GRHPR: variants seen among roughly 807,000 people sequenced by gnomAD.
The protein encoded by GRHPR is glyoxylate and hydroxypyruvate reductase.
A neutral mutation model predicts 36.8 loss-of-function variants in GRHPR; 35 were observed. The ratio of observed to expected loss-of-function variants is 0.95; its 90% CI spans 0.73 to 1.26. The LOEUF (loss-of-function observed/expected upper bound fraction) is 1.26. Among genes scored for constraint, GRHPR ranks in the 50% most tolerant of loss-of-function variants. The probability of loss-of-function intolerance (pLI) is 0.00; values close to 1 mark genes in which losing one functional copy is unlikely to be tolerated. For missense variants in GRHPR, 380 were observed against 435.0 expected (o/e 0.87, Z 1.12); for synonymous variants, 179 against 181.0 (o/e 0.99, Z 0.09).
chr9:37,434,420 T>C, intron 8 of GRHPR: 1 of 539,112 alleles, frequency 1.9e-6, no homozygotes, highest in African/African-American at 1.9e-5. Context: ...TGTCAAGGGG[T>C]CAGACTGTGT....
intron 4 of GRHPR, among the ~76,000 whole-genome samples, chr9:37,427,252 C>A (rs1428771451): frequency 6.6e-6 from 1 of 152,168 alleles, no homozygotes; most frequent in African/African-American, 2.4e-5. Flanking sequence ...CCGCTTGAGT[C>A]CTGAAAGCTG....
At position 37,426,610 on chromosome 9, in the gene GRHPR, T is replaced by TA. The variant is rs749029919; in HGVS notation, c.361dup (p.Thr121AsnfsTer70). The TA allele has an allele frequency of 5.0e-6, 8 of 1,613,796 alleles. No homozygotes were observed. The highest frequency in any genetic ancestry group is 4.2e-6 in the Non-Finnish European group (5 of 1,179,716). Reference sequence around the variant, plus strand: ...CCGAACTCGCAGTCTCCCTGCTACTTACCACCTGCCGCCGGTTGCCGGAGG... The same window carrying TA: ...CCGAACTCGCAGTCTCCCTGCTACTTAACCACCTGCCGCCGGTTGCCGGAGG... On this transcript the variant is annotated frameshift_variant, in exon 4 of 9. Transcript: ENST00000318158. LOFTEE classifies it high-confidence loss of function.
At chr9:37,424,797 A>T in intron 1 of GRHPR, 48 bp from the exon 2 acceptor site, 1 of 1,593,806 alleles carries the variant, frequency 6.3e-7, no homozygotes, top group Non-Finnish European at 8.5e-7. Flanking sequence ...AGGGGCGGGG[A>T]CAGGTGTGCG....
intron 2 of GRHPR, 50 bp from the exon 3 acceptor site, chr9:37,425,872 C>G (rs1375572277): frequency 8.0e-7 from 1 of 1,256,400 alleles, no homozygotes. Flanking sequence ...AGTGCTGTGG[C>G]TTTGAGTTCC....
rs1331176611 is a variant in GRHPR at position 37,434,565 on chromosome 9, AGAG to A, written c.866-2088_866-2086del. 10 of 312,978 alleles carry A rather than the reference AGAG, an allele frequency of 3.2e-5. No individual in the cohort carries two copies. In the East Asian group the frequency reaches 3.4e-4, roughly 11 times the overall value. 19.4% of individuals were successfully genotyped at this position (312,978 alleles called of 1,614,324 possible). ...CTCCCACTGAGGCCACTGCAACCAAAGAGGAGGAGGGGTCAAGTTAATGAAGGC... is the reference window on the plus strand; with the variant it reads ...CTCCCACTGAGGCCACTGCAACCAAAGAGGAGGGGTCAAGTTAATGAAGGC... On this transcript the variant is annotated intron_variant, in intron 8 of 8. Transcript: ENST00000318158.
At chr9:37,438,447 A>G (rs1010867516), downstream of GRHPR, 16 of 152,612 alleles carry the variant, frequency 1.0e-4, no homozygotes, top group African/African-American at 3.9e-4. Context: ...TAAGAGGTAG[A>G]TGAGAGATTC....
chr9:37,432,206 C>CA, intron 8 of GRHPR, 68 bp downstream of exon 8: 4 of 1,527,482 alleles, frequency 2.6e-6, no homozygotes, highest in Non-Finnish European at 3.6e-6. Context: ...GAGGGGGTCC[C>CA]AAGGGGCCGG....
At chr9:37,438,250 CTA>C (rs1823761039), downstream of GRHPR, 1 of 152,608 alleles carries the variant, frequency 6.6e-6, no homozygotes, top group African/African-American at 2.4e-5. Flanking sequence ...TCACGCCAGA[CTA>C]TAATTAAGGC....
In GRHPR at chr9:37,436,033, A is replaced by T. The variant is rs145363713; in HGVS notation, c.866-628A>T. On this transcript the variant is annotated intron_variant, in intron 8 of 8. Coordinates refer to ENST00000318158, the MANE Select transcript of GRHPR (RefSeq NM_012203.2). ...TTTCATTTTGGAGTTATTTCTGTAGATCAGAAACCTTGTGGTCATGTGGCA... is the reference window on the plus strand; with the variant it reads ...TTTCATTTTGGAGTTATTTCTGTAGTTCAGAAACCTTGTGGTCATGTGGCA... 5.3e-5 allele frequency among the ~76,000 whole-genome samples: 8 copies of T among 152,284 alleles called. No individual in the cohort carries two copies. In the East Asian group the frequency reaches 9.6e-4, roughly 18 times the overall value.
At chr9:37,428,868 G>A (rs908515557) in intron 5 of GRHPR, 23 of 503,170 alleles carry the variant, frequency 4.6e-5, no homozygotes, top group South Asian at 1.3e-4. Flanking sequence ...TGTTGGGGCC[G>A]TTAGGAGTGG....
At chr9:37,436,310 A>T (rs1823645016) in intron 8 of GRHPR, among the ~76,000 whole-genome samples, 1 of 152,136 alleles carries the variant, frequency 6.6e-6, no homozygotes, top group Non-Finnish European at 1.5e-5. Flanking sequence ...GGGTTTTGCC[A>T]TGTTGCCCAG....
chr9:37,429,945 C>T, intron 6 of GRHPR, 109 bp downstream of exon 6: 1 of 734,112 alleles, frequency 1.4e-6, no homozygotes, highest in Non-Finnish European at 2.5e-6. Flanking sequence ...CCAGGCATGT[C>T]CAGGGGCTGC....
Position 37,431,813 on chromosome 9 carries a change from C to T in GRHPR, c.735-195C>T. ...TTTGAGACACTTGCCCAAGGTCACA[C>T]AGCTAGAAGGAGGCAGGGCTGGAGT... On this transcript the variant is annotated intron_variant, in intron 7 of 8. Transcript: ENST00000318158. The T allele has an allele frequency of 5.3e-6, 3 of 564,424 alleles. 1 individual carries two copies. The highest frequency in any genetic ancestry group is 4.0e-5 in the South Asian group (2 of 49,794). The allele number at this position is 564,424 out of a possible 1,614,324, so 35.0% of individuals were successfully genotyped here.
downstream of GRHPR, among the ~76,000 whole-genome samples, chr9:37,437,344 T>C (rs181747770): frequency 4.6e-5 from 7 of 152,146 alleles, no homozygotes; most frequent in Non-Finnish European, 7.4e-5. Context: ...ACCCCAGCCC[T>C]CAGCCCTGGG....
In GRHPR at chr9:37,425,364, A is replaced by G. The variant is rs192264233; in HGVS notation, c.214+389A>G. On this transcript the variant is annotated intron_variant, in intron 2 of 8. Transcript: ENST00000318158. ...AGCCCCAGCAGGATGTCTTTCCTCA[A>G]CCGCAGCCACGGGTCTCAGCCCATG... 2.0e-3 allele frequency among the ~76,000 whole-genome samples: 298 copies of G among 152,350 alleles called. 3 individuals carry two copies. Among genetic ancestry groups the G allele is most frequent in the African/African-American group, 6.8e-3 (283 of 41,588 alleles).
chr9:37,430,691 C>G, intron 7 of GRHPR, 45 bp downstream of exon 7: 5 of 1,572,274 alleles, frequency 3.2e-6, no homozygotes, highest in Non-Finnish European at 4.4e-6. Context: ...GAGGAGCCAT[C>G]CCCACTGCTG....
Position 37,424,987 on chromosome 9 carries a change from G to C in GRHPR, c.214+12G>C. On this transcript the variant is annotated intron_variant, in intron 2 of 8. Transcript: ENST00000318158. ...CCTGGATGCTGCAGGTGCACACTGG[G>C]TGGGCAGGGGACTTGAGGGTGGCTT... The C allele has an allele frequency of 1.2e-6, 2 of 1,611,154 alleles. No individual in the cohort carries two copies. Among genetic ancestry groups the C allele is most frequent in the Non-Finnish European group, 1.7e-6 (2 of 1,179,582 alleles).
intron 8 of GRHPR, among the ~76,000 whole-genome samples, chr9:37,435,938 G>C (rs1823620245): frequency 6.6e-6 from 1 of 152,074 alleles, no homozygotes; most frequent in African/African-American, 2.4e-5. Flanking sequence ...GCACCCAGCT[G>C]ACGGTTCTTT....
At position 37,432,127 on chromosome 9, in the gene GRHPR, T is replaced by A. The variant is rs1268645082; in HGVS notation, c.854T>A (p.Leu285Gln). ...PLPTNHPLLTLKNCVILPHIG... is the reference protein window; with the variant it reads ...PLPTNHPLLTQKNCVILPHIG... ...CCTACAAACCACCCTCTCCTGACCC[T>A]GAAGAACTGTGGTAAGAACTGCACT... is the stretch of plus-strand genomic sequence containing the variant. Residue 285 changes from leucine (L) to glutamine (Q), a missense_variant, in exon 8 of 9, where the codon CTG becomes CAG. Transcript: ENST00000318158. 6.2e-7 allele frequency: 1 copy of A among 1,613,968 alleles called. No individual in the cohort carries two copies. The highest frequency in any genetic ancestry group is 1.7e-5 in the Admixed American group (1 of 60,014).
Sources: allele counts gnomAD v4.1 joint callset (sites outside exome capture counted in the v4.1 genomes callset), GRCh38; gene constraint gnomAD v4.1.1; transcripts MANE v1.5; gene names NCBI Gene and HGNC (gene_info 2026-07-23, HGNC 2026-07-21).